SYTL5: variants seen among roughly 807,000 people sequenced by gnomAD.
SYTL5 encodes the protein synaptotagmin-like protein 5.
In SYTL5, 34 loss-of-function variants were observed where a neutral mutation model predicts 55.9. The ratio of observed to expected loss-of-function variants is 0.61; its 90% confidence interval spans 0.46 to 0.81. The LOEUF is 0.81. SYTL5 is among the 30% of genes least tolerant of loss of function. The pLI is 0.00. For synonymous variants in SYTL5, 221 were observed against 188.7 expected (o/e 1.17, Z -1.40); for missense variants, 637 against 546.7 (o/e 1.17, Z -1.65).
intron 6 of SYTL5, among the ~76,000 whole-genome samples, chrX:38,083,774 A>ATGTG (rs3068306): frequency 0.11 from 10,266 of 94,182 alleles, 555 homozygotes; most frequent in Non-Finnish European, 0.13. Context: ...AAATAGACTC[A>ATGTG]TGTGTGTGTG....
chrX:38,028,752 T>C (rs1381288841), intron 1 of SYTL5, among the ~76,000 whole-genome samples: 2 of 111,732 alleles, frequency 1.8e-5, no homozygotes, highest in Non-Finnish European at 3.8e-5. Flanking sequence ...ATCAGAAACC[T>C]GCATTCAAGA....
the SYTL5 span, among the ~76,000 whole-genome samples, chrX:37,971,790 T>C: frequency 6.4e-5 from 7 of 110,068 alleles, no homozygotes; most frequent in Non-Finnish European, 9.5e-5. Flanking sequence ...ATTCTCCTTG[T>C]TTTATCTTTA....
the SYTL5 span, among the ~76,000 whole-genome samples, chrX:37,917,074 G>A: frequency 3.6e-5 from 4 of 111,276 alleles, no homozygotes; most frequent in Admixed American, 1.9e-4. Context: ...ATTAGACTGG[G>A]GTTCTGTATT....
chrX:37,924,038 T>C, the SYTL5 span, among the ~76,000 whole-genome samples: 1 of 111,750 alleles, frequency 8.9e-6, no homozygotes, highest in Non-Finnish European at 1.9e-5. Flanking sequence ...CAGACACAGA[T>C]GCCACTCTCA....
At chrX:38,076,741 T>G (rs5918468) in intron 6 of SYTL5, 40 bp downstream of exon 6, 18 of 1,180,671 alleles carry the variant, frequency 1.5e-5, no homozygotes, top group Admixed American at 2.3e-5. Flanking sequence ...TAGCCTGAGG[T>G]TAAGGTTGAT....
intron 3 of SYTL5, among the ~76,000 whole-genome samples, chrX:38,063,124 C>T (rs1331838509): frequency 2.7e-5 from 3 of 110,471 alleles, no homozygotes; most frequent in African/African-American, 9.9e-5. Context: ...AAAATCTCAA[C>T]ATGTTTGTCC....
At chrX:37,992,422 G>A in the SYTL5 span, among the ~76,000 whole-genome samples, 4 of 112,949 alleles carry the variant, frequency 3.5e-5, no homozygotes, top group East Asian at 2.8e-4. Flanking sequence ...TGGGAGCTGC[G>A]GGCCTGGGTT....
upstream of SYTL5, among the ~76,000 whole-genome samples, chrX:38,006,367 T>C (rs772666286): frequency 4.5e-5 from 5 of 111,706 alleles, no homozygotes; most frequent in Non-Finnish European, 9.4e-5. Context: ...TCAAAAAATG[T>C]TTAAAATGTG....
rs537929640 is a variant in SYTL5, at chrX:38,060,307, G to T, written c.329+5885G>T. Among the ~76,000 whole-genome samples, 75 of 111,784 alleles carry T rather than the reference G, an allele frequency of 6.7e-4. No homozygotes were observed. In the South Asian group the frequency reaches 0.028, roughly 41 times the overall value. ...AATGAGAAATTAACTTTTAATATAA[G>T]TCAGTGGAATTCGGAGATTGTTTTA... On this transcript the variant is annotated intron_variant, in intron 3 of 16. Transcript: ENST00000297875.
At chrX:38,092,618 G>A (rs1237017079) in intron 7 of SYTL5, among the ~76,000 whole-genome samples, 1 of 111,329 alleles carries the variant, frequency 9.0e-6, no homozygotes, top group Non-Finnish European at 1.9e-5. Context: ...CACACTGGCA[G>A]CTGATTGGAT....
At position 38,073,607 on chromosome X, in the gene SYTL5, A is replaced by G. The variant is rs141077704; in HGVS notation, c.463A>G (p.Ser155Gly). The stretch of plus-strand genomic sequence containing the variant: ...TTAATGAGGAGCTGAAGAAGTACAG[A>G]GCCAAGAGCAAACCCGCCAGGATGC... ...RRSPGAEEVQ[S>G]QEQTRQDAEK... The change falls in exon 5 of 17, where the codon AGC (serine) becomes GGC (glycine). Residue 155 changes from serine to glycine, a missense_variant. Physicochemically the swap from Ser to Gly is moderately conservative, Grantham distance 56. Coordinates refer to ENST00000297875, the MANE Select transcript of SYTL5 (RefSeq NM_138780.3). 1.7e-4 allele frequency: 200 copies of G among 1,188,808 alleles called. No homozygotes were observed. The highest frequency in any genetic ancestry group is 2.1e-4 in the Non-Finnish European group (187 of 884,274).
At chrX:37,989,132 T>C in the SYTL5 span, among the ~76,000 whole-genome samples, 1 of 111,840 alleles carries the variant, frequency 8.9e-6, no homozygotes, top group South Asian at 3.8e-4. Flanking sequence ...TTAGTGCCTT[T>C]AAGGGATCAA....
At chrX:37,899,916 A>G in the SYTL5 span, among the ~76,000 whole-genome samples, 1 of 111,701 alleles carries the variant, frequency 9.0e-6, no homozygotes, top group East Asian at 2.8e-4. Flanking sequence ...TTCAAATTTA[A>G]AAAAAACAAG....
the SYTL5 span, among the ~76,000 whole-genome samples, chrX:37,962,222 G>A: frequency 2.2e-3 from 242 of 108,234 alleles, 1 homozygote; most frequent in African/African-American, 7.6e-3. Flanking sequence ...ATCCCTCCCC[G>A]CTCCCCCGAC....
the SYTL5 span, among the ~76,000 whole-genome samples, chrX:37,972,471 A>G: frequency 1.8e-5 from 2 of 111,608 alleles, no homozygotes; most frequent in African/African-American, 6.5e-5. Flanking sequence ...TGGGGCTTCA[A>G]TGGACCCCTG....
intron 15 of SYTL5, among the ~76,000 whole-genome samples, chrX:38,123,874 T>C (rs1440939213): frequency 8.9e-6 from 1 of 112,215 alleles, no homozygotes; most frequent in African/African-American, 3.2e-5. Flanking sequence ...TAAAAGACAG[T>C]GAGGGAGCAA....
the SYTL5 span, among the ~76,000 whole-genome samples, chrX:37,983,613 A>G: frequency 8.9e-6 from 1 of 112,175 alleles, no homozygotes; most frequent in Admixed American, 9.4e-5. Flanking sequence ...AACAATAAAG[A>G]GGATATTTGA....
the SYTL5 span, among the ~76,000 whole-genome samples, chrX:37,994,187 A>G: frequency 8.9e-6 from 1 of 112,120 alleles, no homozygotes; most frequent in Non-Finnish European, 1.9e-5. Flanking sequence ...CACCAATGAC[A>G]TCAAAAAGTG....
chrX:38,031,065 G>A (rs1473987328), intron 1 of SYTL5, among the ~76,000 whole-genome samples: 1 of 111,572 alleles, frequency 9.0e-6, no homozygotes, highest in Non-Finnish European at 1.9e-5. Flanking sequence ...GCTTACAGGA[G>A]TCCTAAGCCT....
Sources: allele counts gnomAD v4.1 joint callset (sites outside exome capture counted in the v4.1 genomes callset), GRCh38; gene constraint gnomAD v4.1.1; transcripts MANE v1.5; gene names NCBI Gene and HGNC (gene_info 2026-07-23, HGNC 2026-07-21).